Variants in PDE1A observed in about 807,000 individuals in gnomAD.
PDE1A encodes the protein phosphodiesterase 1A, also known as dual specificity calcium/calmodulin-dependent 3',5'-cyclic nucleotide phosphodiesterase 1A.
PDE1A carries 35 observed loss-of-function variants against 61.7 expected under a neutral mutation model. The observed-to-expected ratio is 0.57, with a 90% CI of 0.43 to 0.75. The LOEUF (loss-of-function observed/expected upper bound fraction) is 0.75. PDE1A is among the 30% of genes least tolerant of loss of function. The pLI, the probability that PDE1A is intolerant of heterozygous loss-of-function variation, is 0.00. For missense variants in PDE1A, 597 were observed against 630.6 expected (o/e 0.95, Z 0.57); for synonymous variants, 232 against 213.2 (o/e 1.09, Z -0.77).
At chr2:182,481,374 C>CA (rs1467592178) in intron 2 of PDE1A, among the ~76,000 whole-genome samples, 1 of 151,876 alleles carries the variant, frequency 6.6e-6, no homozygotes, top group East Asian at 1.9e-4. Flanking sequence ...TGAATACCTC[C>CA]ATTCATATAG....
chr2:182,651,156 G>A, the PDE1A span, among the ~76,000 whole-genome samples: 2 of 152,070 alleles, frequency 1.3e-5, no homozygotes, highest in Non-Finnish European at 2.9e-5. Context: ...ACAGGCACCT[G>A]CCATCACACC....
At chr2:182,310,497 G>C (rs1440300852) in intron 1 of PDE1A, among the ~76,000 whole-genome samples, 1 of 151,958 alleles carries the variant, frequency 6.6e-6, no homozygotes, top group Non-Finnish European at 1.5e-5. Context: ...CTCATTTAGG[G>C]CTTTATAAAC....
chr2:182,429,030 T>C (rs1377954265), upstream of PDE1A, among the ~76,000 whole-genome samples: 2 of 152,058 alleles, frequency 1.3e-5, no homozygotes, highest in Non-Finnish European at 2.9e-5. Flanking sequence ...TCATAGGAAA[T>C]CCATAACATA....
chr2:182,427,683 G>A (rs185687572), upstream of PDE1A, among the ~76,000 whole-genome samples: 1 of 152,240 alleles, frequency 6.6e-6, no homozygotes, highest in East Asian at 1.9e-4. Context: ...TCTTTTAGAA[G>A]ACAGATTTAC....
intron 2 of PDE1A, among the ~76,000 whole-genome samples, chr2:182,518,533 C>A: frequency 6.6e-6 from 1 of 152,122 alleles, no homozygotes; most frequent in Non-Finnish European, 1.5e-5. Context: ...AATATCTGGA[C>A]ATTCGTCGGG....
chr2:182,367,933 A>T (rs1699924846), intron 1 of PDE1A, among the ~76,000 whole-genome samples: 1 of 152,088 alleles, frequency 6.6e-6, no homozygotes, highest in Admixed American at 6.6e-5. Context: ...ATAAATATAT[A>T]CCCATGAAAC....
the PDE1A span, among the ~76,000 whole-genome samples, chr2:182,652,882 A>G: frequency 1.7e-3 from 255 of 152,214 alleles, 1 homozygote; most frequent in African/African-American, 5.9e-3. Flanking sequence ...GAGTCACCCA[A>G]ACCTTCAGCT....
chr2:182,455,654 A>C (rs1251712114), intron 2 of PDE1A, among the ~76,000 whole-genome samples: 1 of 152,128 alleles, frequency 6.6e-6, no homozygotes, highest in Non-Finnish European at 1.5e-5. Context: ...AACTATTCCA[A>C]GGACAAAAAA....
At chr2:182,480,972 G>A (rs1687664450) in intron 2 of PDE1A, among the ~76,000 whole-genome samples, 1 of 151,872 alleles carries the variant, frequency 6.6e-6, no homozygotes, top group Non-Finnish European at 1.5e-5. Context: ...CAGGTTCCAA[G>A]GATCTGGTGC....
At chr2:182,206,608 C>T (rs973641933) in intron 7 of PDE1A, among the ~76,000 whole-genome samples, 1 of 152,144 alleles carries the variant, frequency 6.6e-6, no homozygotes, top group Admixed American at 6.5e-5. Context: ...TTCACTGTCT[C>T]CATAGTTTTG....
chr2:182,258,175 A>G (rs1192417832), intron 2 of PDE1A, among the ~76,000 whole-genome samples: 1 of 152,120 alleles, frequency 6.6e-6, no homozygotes. Flanking sequence ...CTCGAAAAAA[A>G]AAAGAAAAGA....
intron 1 of PDE1A, among the ~76,000 whole-genome samples, chr2:182,385,236 C>T (rs1038962607): frequency 1.1e-4 from 17 of 152,194 alleles, no homozygotes; most frequent in African/African-American, 4.1e-4. Context: ...ACAAATCTCA[C>T]TGCTAGTCAC....
intron 1 of PDE1A, among the ~76,000 whole-genome samples, chr2:182,408,181 CAAA>C (rs5836834): frequency 8.6e-6 from 1 of 116,096 alleles, no homozygotes; most frequent in Admixed American, 9.0e-5. Flanking sequence ...AAGTATCTGC[CAAA>C]AAAAAAAAAA....
chr2:182,255,660 T>C (rs1691724971), intron 2 of PDE1A, among the ~76,000 whole-genome samples: 1 of 95,182 alleles, frequency 1.1e-5, no homozygotes, highest in East Asian at 4.3e-4. Context: ...CTTTCTTTTC[T>C]TTTTTTTTTT....
intron 13 of PDE1A, among the ~76,000 whole-genome samples, chr2:182,178,180 T>C (rs959818345): frequency 6.6e-6 from 1 of 152,132 alleles, no homozygotes; most frequent in African/African-American, 2.4e-5. Context: ...AAGGCATCTA[T>C]CCTTTGTCTT....
At chr2:182,442,363 C>G (rs1684849521) in intron 2 of PDE1A, among the ~76,000 whole-genome samples, 1 of 152,012 alleles carries the variant, frequency 6.6e-6, no homozygotes, top group South Asian at 2.1e-4. Context: ...CCCAAGAGAA[C>G]TGACAACTAA....
chr2:182,272,666 G>A (rs1317098945), intron 1 of PDE1A, among the ~76,000 whole-genome samples: 4 of 152,090 alleles, frequency 2.6e-5, no homozygotes, highest in Non-Finnish European at 1.5e-5. Context: ...CCAGATTGAA[G>A]TATGAGTACA....
At chr2:182,158,665 C>T (rs4666815) in intron 13 of PDE1A, among the ~76,000 whole-genome samples, 71,055 of 151,912 alleles carry the variant, frequency 0.47, 17,588 homozygotes, top group East Asian at 0.63. Context: ...TCAAAATTAG[C>T]GCATGGCTTC....
chr2:182,501,838 G>A (rs1200993851), intron 2 of PDE1A, among the ~76,000 whole-genome samples: 1 of 152,122 alleles, frequency 6.6e-6, no homozygotes. Flanking sequence ...GTCCTTTAAA[G>A]AGGCCCTCAA....
Sources: allele counts gnomAD v4.1 joint callset (sites outside exome capture counted in the v4.1 genomes callset), GRCh38; gene constraint gnomAD v4.1.1; transcripts MANE v1.5; gene names NCBI Gene and HGNC (gene_info 2026-07-23, HGNC 2026-07-21).